The following CTSS variants were observed in gnomAD, a reference collection of about 807,000 sequenced individuals.
The protein encoded by CTSS is cathepsin S.
A neutral mutation model predicts 39.9 loss-of-function variants in CTSS; 15 were observed. The observed-to-expected ratio is 0.38, with a 90% confidence interval of 0.25 to 0.58. The LOEUF is 0.58. Ranked by LOEUF, CTSS falls within the 20% of genes least tolerant of loss-of-function variation. The probability of loss-of-function intolerance (pLI) is 0.70; values close to 1 mark genes in which losing one functional copy is unlikely to be tolerated. For synonymous variants in CTSS, 126 were observed against 138.2 expected, an observed-to-expected ratio of 0.91 and a Z score of 0.62; for missense variants, 250 against 398.2, an observed-to-expected ratio of 0.63 and a Z score of 3.17.
Position 150,752,095 on chromosome 1 carries a change from C to CATCA in CTSS, c.400-91_400-88dup, listed in dbSNP as rs1422952492. ...ACCCAAACTGGACAACGCTCAGCTA[C>CATCA]ATCAGTTCTGTCCCTAGTTCCCAGA... is the stretch of plus-strand genomic sequence containing the variant. On this transcript the variant is annotated intron_variant, in intron 4 of 7. Transcript: ENST00000368985. 6.7e-6 allele frequency: 9 copies of CATCA among 1,344,726 alleles called. No homozygotes were observed. In the Admixed American group the frequency reaches 1.8e-4, roughly 27 times the overall value. 83.3% of individuals were successfully genotyped at this position (1,344,726 alleles called of 1,614,324 possible).
chr1:150,757,734 T>C, intron 3 of CTSS, 124 bp downstream of exon 3: 1 of 905,644 alleles, frequency 1.1e-6, no homozygotes, highest in East Asian at 2.7e-5. Flanking sequence ...AATTCTACTG[T>C]TTTCCAACTT....
chr1:150,764,211 G>C (rs587764782), intron 2 of CTSS, among the ~76,000 whole-genome samples: 1 of 152,124 alleles, frequency 6.6e-6, no homozygotes, highest in East Asian at 1.9e-4. Flanking sequence ...ACCAAGAACA[G>C]TATCTGGCAA....
At position 150,732,490 on chromosome 1, in the gene CTSS, C is replaced by T. The variant is rs1652544643; in HGVS notation, c.*556G>A. The stretch of plus-strand genomic sequence containing the variant: ...TATACAATAAAACAATAAGCAATTA[C>T]AGATTGTTTTAGGTTGAACAATTTT... On this transcript the variant is annotated 3_prime_UTR_variant, in exon 8 of 8. Coordinates refer to ENST00000368985, the MANE Select transcript of CTSS (RefSeq NM_004079.5). 1 of 152,176 alleles carries T rather than the reference C, an allele frequency of 6.6e-6. No homozygotes were observed. The highest frequency in any genetic ancestry group is 1.5e-5 in the Non-Finnish European group (1 of 68,050). The allele number at this position is 152,176 out of a possible 1,614,324, so 9.4% of individuals were successfully genotyped here.
intron 4 of CTSS, 107 bp from the exon 5 acceptor site, chr1:150,752,115 C>T: frequency 9.1e-7 from 1 of 1,100,458 alleles, no homozygotes; most frequent in Non-Finnish European, 1.3e-6. Flanking sequence ...GTCCCTAGTT[C>T]CCAGAAAGAG....
chr1:150,742,719 G>T (rs1652793158), intron 7 of CTSS, among the ~76,000 whole-genome samples: 1 of 152,116 alleles, frequency 6.6e-6, no homozygotes. Context: ...TGATTCACAG[G>T]CCAAATGGAT....
In CTSS at chr1:150,747,876, A is replaced by G; in HGVS notation, c.797T>C (p.Val266Ala). 6.2e-7 allele frequency: 1 copy of G among 1,602,044 alleles called. No homozygotes were observed. Among genetic ancestry groups the G allele is most frequent in the Non-Finnish European group, 8.5e-7 (1 of 1,169,676 alleles). Residue 266 changes from valine to alanine, a missense_variant, in exon 7 of 8, where the codon GTC (valine) becomes GCC (alanine). Coordinates refer to ENST00000368985, the MANE Select transcript of CTSS (RefSeq NM_004079.5). ...CTGAGTACAGGATGGTTCATAGTAG[A>G]CACCTGAGAATCAAATATGGGTGGG... ...HPSFFLYRSG[V>A]YYEPSCTQNV...
At chr1:150,753,601 C>CTAAA (rs1653052013) in intron 4 of CTSS, among the ~76,000 whole-genome samples, 1 of 152,314 alleles carries the variant, frequency 6.6e-6, no homozygotes, top group African/African-American at 2.4e-5. Context: ...GTGTTAAACA[C>CTAAA]CTATTTGCTT....
At position 150,747,858 on chromosome 1, in the gene CTSS, C is replaced by T; in HGVS notation, c.815G>A (p.Cys272Tyr). 1.2e-6 allele frequency: 2 copies of T among 1,613,182 alleles called. No individual in the cohort carries two copies. The highest frequency in any genetic ancestry group is 1.7e-6 in the Non-Finnish European group (2 of 1,179,270). ...YRSGVYYEPS[C>Y]TQNVNHGVLV... ...TACACCATGATTCACATTCTGAGTA[C>T]AGGATGGTTCATAGTAGACACCTGA... Residue 272 changes from cysteine to tyrosine, a missense_variant, in exon 7 of 8, where the codon TGT becomes TAT. Coordinates refer to ENST00000368985, the MANE Select transcript of CTSS (RefSeq NM_004079.5).
chr1:150,761,588 G>A (rs955649461), intron 2 of CTSS, among the ~76,000 whole-genome samples: 6 of 151,430 alleles, frequency 4.0e-5, no homozygotes, highest in Non-Finnish European at 8.8e-5. Flanking sequence ...AAAATTACCC[G>A]GGCGTGGTGG....
At chr1:150,735,912 A>T (rs1652626435) in intron 7 of CTSS, among the ~76,000 whole-genome samples, 1 of 151,752 alleles carries the variant, frequency 6.6e-6, no homozygotes, top group Non-Finnish European at 1.5e-5. Flanking sequence ...GCCCACCACC[A>T]CGCCTGGCTA....
Position 150,756,726 on chromosome 1 carries a change from T to TC in CTSS, c.249+1131dup, listed in dbSNP as rs1440943425. 7.1e-4 allele frequency among the ~76,000 whole-genome samples: 105 copies of TC among 147,610 alleles called. 1 individual carries two copies. Among genetic ancestry groups the TC allele is most frequent in the Admixed American group, 4.1e-4 (6 of 14,660 alleles). ...TTTCTTTCTTTTTTTTTTTTTTTTT[T>TC]CTCTTTTGAGACGGAGTTTCACTCT... On this transcript the variant is annotated intron_variant, in intron 3 of 7. Transcript: ENST00000368985.
intron 7 of CTSS, among the ~76,000 whole-genome samples, chr1:150,746,696 G>A (rs932884118): frequency 4.6e-5 from 7 of 152,174 alleles, no homozygotes; most frequent in African/African-American, 1.4e-4. Context: ...AAGACAGGAT[G>A]TTCTAGGCAG....
intron 6 of CTSS, 24 bp downstream of exon 6, chr1:150,749,982 A>T: frequency 1.3e-6 from 2 of 1,566,616 alleles, no homozygotes; most frequent in Non-Finnish European, 1.7e-6. Flanking sequence ...TTAAATTCTA[A>T]TTATTGTTTA....
chr1:150,757,090 G>A (rs1653149174), intron 3 of CTSS, among the ~76,000 whole-genome samples: 1 of 152,116 alleles, frequency 6.6e-6, no homozygotes, highest in Non-Finnish European at 1.5e-5. Context: ...AAAAAACTGA[G>A]AAAAAACAGT....
chr1:150,754,864 G>A (rs1037525223), intron 4 of CTSS, 137 bp downstream of exon 4: 14 of 898,032 alleles, frequency 1.6e-5, no homozygotes, highest in Admixed American at 5.2e-5. Flanking sequence ...TTATAATTTA[G>A]TTGGGAAGAC....
intron 7 of CTSS, 105 bp downstream of exon 7, chr1:150,747,669 CATT>C: frequency 1.3e-6 from 1 of 742,088 alleles, no homozygotes; most frequent in Non-Finnish European, 2.3e-6. Flanking sequence ...TAAAGTTCAT[CATT>C]GTCAATATCG....
At chr1:150,747,354 A>T (rs1262970993) in intron 7 of CTSS, among the ~76,000 whole-genome samples, 3 of 152,204 alleles carry the variant, frequency 2.0e-5, no homozygotes, top group African/African-American at 7.2e-5. Flanking sequence ...AAGATGTCAG[A>T]ACTAGAGCTA....
At position 150,764,482 on chromosome 1, in the gene CTSS, C is replaced by T. The variant is rs1653326305; in HGVS notation, c.126+156G>A. On this transcript the variant is annotated intron_variant, in intron 2 of 7. Coordinates refer to ENST00000368985, the MANE Select transcript of CTSS (RefSeq NM_004079.5). ...CGAACTCCTGACCTCAGGTGATCCG[C>T]TCACCTTGGCCTTCCAAAGGGCTAG... 2.0e-5 allele frequency among the ~76,000 whole-genome samples: 3 copies of T among 152,198 alleles called. No homozygotes were observed. The South Asian group carries it at 6.2e-4, about 31-fold the overall frequency.
intron 7 of CTSS, among the ~76,000 whole-genome samples, chr1:150,743,157 C>T (rs189483399): frequency 9.9e-5 from 15 of 152,078 alleles, no homozygotes; most frequent in Non-Finnish European, 1.8e-4. Context: ...GATAAAATAA[C>T]GTAAGATATG....
Sources: allele counts gnomAD v4.1 joint callset (sites outside exome capture counted in the v4.1 genomes callset), GRCh38; gene constraint gnomAD v4.1.1; transcripts MANE v1.5; gene names NCBI Gene and HGNC (gene_info 2026-07-23, HGNC 2026-07-21).